Variants in EIF2AK3 observed in about 807,000 individuals in gnomAD.
The protein encoded by EIF2AK3 is eukaryotic translation initiation factor 2-alpha kinase 3.
EIF2AK3 carries 50 observed loss-of-function variants against 113.5 expected under a neutral mutation model. That is an observed-to-expected ratio of 0.44 (90% CI 0.35 to 0.56). EIF2AK3 has a LOEUF of 0.56. Ranked by LOEUF, EIF2AK3 falls within the 20% of genes least tolerant of loss-of-function variation. The pLI is 0.00. For missense variants in EIF2AK3, 1,185 were observed against 1,378.0 expected (o/e 0.86, Z 2.22); for synonymous variants, 448 against 495.4 (o/e 0.90, Z 1.27).
intron 1 of EIF2AK3, among the ~76,000 whole-genome samples, chr2:88,624,543 T>C (rs1184550106): frequency 1.3e-5 from 2 of 152,160 alleles, no homozygotes; most frequent in Non-Finnish European, 2.9e-5. Flanking sequence ...TGTATTTCTG[T>C]CTCCTTTGCT....
chr2:88,564,863 A>G (rs1674065325), intron 14 of EIF2AK3, among the ~76,000 whole-genome samples: 1 of 152,200 alleles, frequency 6.6e-6, no homozygotes, highest in Non-Finnish European at 1.5e-5. Context: ...GAGTGAAGGG[A>G]GAAGCATCTC....
chr2:88,560,130 A>T (rs374803896), intron 15 of EIF2AK3, among the ~76,000 whole-genome samples: 224 of 151,654 alleles, frequency 1.5e-3, no homozygotes, highest in South Asian at 7.7e-3. Flanking sequence ...CTTTTTTTTT[A>T]ATTTTTTTAT....
chr2:88,626,909 A>T, intron 1 of EIF2AK3, 58 bp downstream of exon 1: 1 of 1,594,258 alleles, frequency 6.3e-7, no homozygotes, highest in Non-Finnish European at 8.5e-7. Context: ...CCTACACCGC[A>T]TCCTCCGCGG....
intron 2 of EIF2AK3, among the ~76,000 whole-genome samples, chr2:88,612,315 T>C (rs1044006437): frequency 2.0e-5 from 3 of 152,184 alleles, no homozygotes; most frequent in Non-Finnish European, 2.9e-5. Flanking sequence ...AATCTTCTCA[T>C]TTTGCTGATC....
chr2:88,611,989 A>G (rs1418981083), intron 2 of EIF2AK3, among the ~76,000 whole-genome samples: 3 of 152,182 alleles, frequency 2.0e-5, no homozygotes, highest in Non-Finnish European at 4.4e-5. Context: ...GGTGGGTGTG[A>G]GAGAGGACAC....
chr2:88,616,572 G>C (rs1675573596), intron 1 of EIF2AK3, among the ~76,000 whole-genome samples: 1 of 152,040 alleles, frequency 6.6e-6, no homozygotes, highest in African/African-American at 2.4e-5. Context: ...GATTACAGGT[G>C]CCCGCCATCA....
chr2:88,589,621 AT>A (rs1014173028), intron 6 of EIF2AK3, among the ~76,000 whole-genome samples: 4 of 150,274 alleles, frequency 2.7e-5, no homozygotes, highest in East Asian at 1.9e-4. Flanking sequence ...CTAACTATAT[AT>A]TTTATATGTA....
intron 16 of EIF2AK3, among the ~76,000 whole-genome samples, chr2:88,558,146 T>C (rs1212009389): frequency 6.6e-6 from 1 of 152,136 alleles, no homozygotes; most frequent in African/African-American, 2.4e-5. Flanking sequence ...ATGGCTGTGT[T>C]CCAATAGAAC....
rs190059999 is a variant in EIF2AK3 at position 88,614,344 on chromosome 2, C to T, written c.309-491G>A. Among the ~76,000 whole-genome samples, 398 of 152,114 alleles carry T rather than the reference C, an allele frequency of 2.6e-3. 2 individuals are homozygous for T. Among genetic ancestry groups the T allele is most frequent in the Non-Finnish European group, 4.2e-3 (286 of 67,982 alleles). ...TTGCCATTTCCAGACCACTTTTTTC[C>T]TCTCCTCTCTGAAAATCCTCAGGAT... On this transcript the variant is annotated intron_variant, in intron 1 of 16. Coordinates refer to ENST00000303236, the MANE Select transcript of EIF2AK3 (RefSeq NM_004836.7).
At chr2:88,604,501 T>C (rs1371290100) in intron 2 of EIF2AK3, among the ~76,000 whole-genome samples, 1 of 152,238 alleles carries the variant, frequency 6.6e-6, no homozygotes, top group East Asian at 1.9e-4. Context: ...AGAGTCTTTC[T>C]TTGTGCTCTA....
chr2:88,587,204 CAAAAAAAAAAAAAAAAA>C (rs780050125), intron 8 of EIF2AK3, among the ~76,000 whole-genome samples: 1 of 30,262 alleles, frequency 3.3e-5, no homozygotes, highest in Non-Finnish European at 5.3e-5. Flanking sequence ...AACTCCATCT[CAAAAAAAAAAAAAAAAA>C]AAAAAAAAAA....
At chr2:88,610,664 A>G (rs1012574430) in intron 2 of EIF2AK3, among the ~76,000 whole-genome samples, 4 of 152,254 alleles carry the variant, frequency 2.6e-5, no homozygotes, top group African/African-American at 7.2e-5. Flanking sequence ...TTCTCATTAA[A>G]TTTTTTGTAT....
chr2:88,609,906 C>G (rs1675385523), intron 2 of EIF2AK3, among the ~76,000 whole-genome samples: 1 of 123,020 alleles, frequency 8.1e-6, no homozygotes, highest in Non-Finnish European at 1.6e-5. Flanking sequence ...CCCAGCAGTT[C>G]GAGATCAGCC....
chr2:88,625,176 T>C (rs1675827477), intron 1 of EIF2AK3, among the ~76,000 whole-genome samples: 1 of 152,152 alleles, frequency 6.6e-6, no homozygotes, highest in South Asian at 2.1e-4. Context: ...ACAATGATGC[T>C]ATTAGCATCA....
rs894717636 is a variant in EIF2AK3 at position 88,595,479 on chromosome 2, T to C, written c.623A>G (p.Tyr208Cys). 4 of 1,613,896 alleles carry C rather than the reference T, an allele frequency of 2.5e-6. No individual in the cohort carries two copies. The African/African-American group carries it at 5.3e-5, about 22-fold the overall frequency. ...AGCATTTTCACTTACCTTTCCACTA[T>C]ATGCACTGAGTCCATATGTAGTCAG... ...KSLTTYGLSA[Y>C]SGKVRYICSA... The change falls in exon 3 of 17, where the codon TAT becomes TGT. Residue 208 changes from tyrosine to cysteine, a missense_variant. Physicochemically the swap from Tyr to Cys is radical, Grantham distance 194 (BLOSUM62 -2). This residue lies in a region of EIF2AK3 where 119 missense variants were observed against 178.7 expected (regional missense o/e 0.67). Coordinates refer to ENST00000303236, the MANE Select transcript of EIF2AK3 (RefSeq NM_004836.7).
chr2:88,590,558 G>A lies in EIF2AK3; in HGVS notation c.1050C>T (p.Val350=), dbSNP rs762601065. ...TATCATCAAAAAGACTGATGGGAAT[G>A]ACTTTCCCATCCTTAAGTAACCAGG... ...ASAWLLKDGK[V]IPISLFDDTS... is the part of the protein sequence containing the mutation. Residue 350 remains valine, a synonymous_variant, in exon 6 of 17, where the codon GTC becomes GTT. Transcript: ENST00000303236. 1 of 1,613,368 alleles carries A rather than the reference G, an allele frequency of 6.2e-7. No homozygotes were observed. Among genetic ancestry groups the A allele is most frequent in the East Asian group, 2.2e-5 (1 of 44,822 alleles).
chr2:88,591,848 C>T (rs1674895456), intron 4 of EIF2AK3, among the ~76,000 whole-genome samples: 1 of 152,108 alleles, frequency 6.6e-6, no homozygotes, highest in Non-Finnish European at 1.5e-5. Context: ...TTAAGTTGGA[C>T]ATCTGCTGCT....
At chr2:88,595,712 T>C (rs762253139) in intron 2 of EIF2AK3, 49 bp from the exon 3 acceptor site, 18 of 1,515,456 alleles carry the variant, frequency 1.2e-5, no homozygotes, top group Non-Finnish European at 1.6e-5. Flanking sequence ...TAATTATTAT[T>C]TTTTTCTTAT....
At chr2:88,559,029 T>C (rs759519501) in intron 15 of EIF2AK3, 50 bp from the exon 16 acceptor site, 1 of 1,309,604 alleles carries the variant, frequency 7.6e-7, no homozygotes, top group Non-Finnish European at 1.1e-6. Flanking sequence ...ACATACAACA[T>C]GAAAATATTT....
Sources: allele counts gnomAD v4.1 joint callset (sites outside exome capture counted in the v4.1 genomes callset), GRCh38; gene constraint gnomAD v4.1.1; regional missense constraint gnomAD v4.1.1; transcripts MANE v1.5; gene names NCBI Gene and HGNC (gene_info 2026-07-23, HGNC 2026-07-21).